The following APOOL variants were observed in gnomAD, a reference collection of about 807,000 sequenced individuals.
APOOL encodes the protein MICOS complex subunit MIC27.
A neutral mutation model predicts 23.1 loss-of-function variants in APOOL; 12 were observed. The observed-to-expected ratio is 0.52, with a 90% CI of 0.33 to 0.84. APOOL has a LOEUF of 0.84. APOOL is among the 40% of genes least tolerant of loss of function. The probability of loss-of-function intolerance (pLI) is 0.02; values close to 1 mark genes in which losing one functional copy is unlikely to be tolerated. For synonymous variants in APOOL, 77 were observed against 69.9 expected (o/e 1.10, Z -0.51); for missense variants, 212 against 199.6 (o/e 1.06, Z -0.37).
chrX:85,038,535 T>G (rs1406031535), intron 1 of APOOL, among the ~76,000 whole-genome samples: 2 of 101,419 alleles, frequency 2.0e-5, no homozygotes, highest in Non-Finnish European at 4.0e-5. Context: ...TTTTTTTTTT[T>G]TTTTTTTTTT....
chrX:85,084,947 C>A (rs1313995195), intron 8 of APOOL, among the ~76,000 whole-genome samples: 1 of 110,882 alleles, frequency 9.0e-6, no homozygotes, highest in East Asian at 2.8e-4. Context: ...AAACTTGTTG[C>A]ACACTTTTCA....
intron 6 of APOOL, among the ~76,000 whole-genome samples, chrX:85,068,826 G>A (rs1293170417): frequency 9.0e-6 from 1 of 111,580 alleles, no homozygotes; most frequent in Non-Finnish European, 1.9e-5. Flanking sequence ...AACCCAAAAT[G>A]CATCTATCCA....
At chrX:85,087,158 G>A (rs995430830) in intron 8 of APOOL, among the ~76,000 whole-genome samples, 2 of 109,992 alleles carry the variant, frequency 1.8e-5, no homozygotes, top group East Asian at 2.9e-4. Context: ...CTGCCTTGCC[G>A]CCACCCCTAC....
chrX:85,015,520 CCTT>C (rs993286491), intron 1 of APOOL, among the ~76,000 whole-genome samples: 1 of 105,807 alleles, frequency 9.5e-6, no homozygotes, highest in African/African-American at 3.4e-5. Flanking sequence ...TTCTTTTTTT[CCTT>C]CTTAAGGATC....
chrX:85,061,917 G>C (rs963195845), intron 5 of APOOL, among the ~76,000 whole-genome samples: 1 of 110,927 alleles, frequency 9.0e-6, no homozygotes, highest in South Asian at 3.8e-4. Context: ...CGTGCCTTCT[G>C]CTAGCTTTTG....
In APOOL at chrX:85,092,884, C is replaced by G. The variant is rs1924570622; in HGVS notation, c.*5206C>G. On this transcript the variant is annotated 3_prime_UTR_variant, in exon 9 of 9. Coordinates refer to ENST00000373173, the MANE Select transcript of APOOL (RefSeq NM_198450.6). ...CTTTTATAGTCTTGTAATATTCATA[C>G]TGTGAGCCTGTGTTTTTGAATAAAA... 2 of 322,369 alleles carry G rather than the reference C, an allele frequency of 6.2e-6. No homozygotes were observed. Among genetic ancestry groups the G allele is most frequent in the Non-Finnish European group, 1.1e-5 (2 of 186,663 alleles). The allele number at this position is 322,369 out of a possible 1,213,427, so 26.6% of individuals were successfully genotyped here. A position where few individuals can be genotyped will look rare whatever the true frequency, so the allele number is the denominator to read the frequency against.
chrX:85,044,718 T>G (rs754867650), intron 1 of APOOL, among the ~76,000 whole-genome samples: 1 of 111,858 alleles, frequency 8.9e-6, no homozygotes, highest in South Asian at 3.7e-4. Flanking sequence ...ACTTAGGCAA[T>G]TTTCAAGGTA....
intron 1 of APOOL, among the ~76,000 whole-genome samples, chrX:85,004,643 T>G (rs777449241): frequency 8.9e-6 from 1 of 112,099 alleles, no homozygotes; most frequent in African/African-American, 3.2e-5. Context: ...CGCTGAAGTT[T>G]TAAGTCGGCA....
intron 1 of APOOL, among the ~76,000 whole-genome samples, chrX:85,027,429 T>C (rs1399501512): frequency 9.0e-6 from 1 of 111,450 alleles, no homozygotes; most frequent in East Asian, 2.8e-4. Context: ...GATAATATAT[T>C]GGAGCAACTC....
Position 85,092,684 on chromosome X carries a change from A to G in APOOL, c.*5006A>G. On this transcript the variant is annotated 3_prime_UTR_variant, in exon 9 of 9. Transcript: ENST00000373173. ...ATGTGTGAATAATACTTCCAAATAT[A>G]GTAGTTACCTTTTGAACTTTTCTAT... The G allele has an allele frequency of 4.6e-6, 3 of 657,275 alleles. No homozygotes were observed. The highest frequency in any genetic ancestry group is 6.5e-6 in the Non-Finnish European group (3 of 458,286). 54.2% of individuals were successfully genotyped at this position (657,275 alleles called of 1,213,427 possible). A position where few individuals can be genotyped will look rare whatever the true frequency, so the allele number is the denominator to read the frequency against.
intron 3 of APOOL, among the ~76,000 whole-genome samples, chrX:85,052,411 T>C (rs1922815580): frequency 1.8e-5 from 2 of 111,707 alleles, no homozygotes; most frequent in Admixed American, 1.9e-4. Flanking sequence ...AACATCATTG[T>C]GTTAGCATCT....
At chrX:85,014,270 G>T (rs1921390054) in intron 1 of APOOL, among the ~76,000 whole-genome samples, 1 of 111,201 alleles carries the variant, frequency 9.0e-6, no homozygotes, top group Non-Finnish European at 1.9e-5. Flanking sequence ...TATTCATTCT[G>T]CCATTCTTTA....
intron 5 of APOOL, among the ~76,000 whole-genome samples, chrX:85,064,246 A>G (rs1193913928): frequency 9.4e-6 from 1 of 106,528 alleles, no homozygotes; most frequent in African/African-American, 3.4e-5. Flanking sequence ...GATTGTGTTT[A>G]TTTGAATCTT....
In APOOL at chrX:85,087,835, A is replaced by G. The variant is rs1053377749; in HGVS notation, c.*157A>G. On this transcript the variant is annotated 3_prime_UTR_variant, in exon 9 of 9. Coordinates refer to ENST00000373173, the MANE Select transcript of APOOL (RefSeq NM_198450.6). Reference sequence around the variant, plus strand: ...CCAAATATGCCATTTGATAAATTACATAAGTGGTTAACACACAAACTGTGA... The same window carrying G: ...CCAAATATGCCATTTGATAAATTACGTAAGTGGTTAACACACAAACTGTGA... 10 of 429,907 alleles carry G rather than the reference A, an allele frequency of 2.3e-5. No homozygotes were observed. Among genetic ancestry groups the G allele is most frequent in the African/African-American group, 2.3e-4 (9 of 39,006 alleles). 35.4% of individuals were successfully genotyped at this position (429,907 alleles called of 1,213,427 possible). A position where few individuals can be genotyped will look rare whatever the true frequency, so the allele number is the denominator to read the frequency against.
chrX:85,020,676 T>C (rs61608895), intron 1 of APOOL, among the ~76,000 whole-genome samples: 5,083 of 111,393 alleles, frequency 0.046, 254 homozygotes, highest in African/African-American at 0.15. Flanking sequence ...CTCAGTGGTC[T>C]TAAGCTCTCG....
intron 5 of APOOL, among the ~76,000 whole-genome samples, chrX:85,060,874 C>T (rs752407076): frequency 1.8e-5 from 2 of 111,125 alleles, no homozygotes; most frequent in South Asian, 7.8e-4. Flanking sequence ...CCCTTTATTT[C>T]CTTCTCCTGC....
At chrX:85,035,664 A>T (rs1253351053) in intron 1 of APOOL, among the ~76,000 whole-genome samples, 1 of 111,564 alleles carries the variant, frequency 9.0e-6, no homozygotes, top group Non-Finnish European at 1.9e-5. Flanking sequence ...AATCTTCTGC[A>T]TAGGGCCCAC....
chrX:85,007,862 C>T (rs777763558), intron 1 of APOOL, among the ~76,000 whole-genome samples: 3 of 111,828 alleles, frequency 2.7e-5, no homozygotes, highest in East Asian at 5.6e-4. Flanking sequence ...TCAGGTACTG[C>T]GCTAAGCTGT....
intron 1 of APOOL, among the ~76,000 whole-genome samples, chrX:85,028,775 G>A (rs992145636): frequency 9.1e-6 from 1 of 110,431 alleles, no homozygotes. Context: ...TCACAAGTAA[G>A]TGAGAACATA....
Sources: gnomAD v4.1 joint callset for allele counts (sites outside exome capture counted in the v4.1 genomes callset) on GRCh38, gnomAD v4.1.1 for gene constraint, MANE v1.5 for transcripts, NCBI Gene and HGNC (gene_info 2026-07-23, HGNC 2026-07-21) for gene names.